Variants in GALNT2 observed in about 807,000 individuals in gnomAD.
GALNT2 encodes the protein polypeptide N-acetylgalactosaminyltransferase 2, also known as UDP-GalNAc:polypeptide N-acetylgalactosaminyltransferase 2.
A neutral mutation model predicts 81.4 loss-of-function variants in GALNT2; 31 were observed. The observed-to-expected ratio is 0.38, with a 90% CI of 0.29 to 0.51. GALNT2 has a LOEUF of 0.51. GALNT2 is among the 20% of genes least tolerant of loss of function. GALNT2 has a pLI of 0.87. For synonymous variants in GALNT2, 303 were observed against 287.4 expected (o/e 1.05, Z -0.55); for missense variants, 629 against 765.7 (o/e 0.82, Z 2.11).
At chr1:230,171,099 A>T (rs1185385147) in intron 1 of GALNT2, among the ~76,000 whole-genome samples, 1 of 152,216 alleles carries the variant, frequency 6.6e-6, no homozygotes, top group East Asian at 1.9e-4. Flanking sequence ...AGACCTGAAG[A>T]TTATTCCTCT....
At chr1:230,107,762 TAAAAC>T (rs1031958691) in intron 1 of GALNT2, among the ~76,000 whole-genome samples, 5 of 152,058 alleles carry the variant, frequency 3.3e-5, no homozygotes, top group Non-Finnish European at 7.4e-5. Context: ...AGTGAATAAT[TAAAAC>T]AGAAATCTTC....
At chr1:230,100,387 C>G (rs1660368171) in intron 1 of GALNT2, among the ~76,000 whole-genome samples, 1 of 141,470 alleles carries the variant, frequency 7.1e-6, no homozygotes, top group Admixed American at 7.6e-5. Context: ...AGTGCAATGG[C>G]GCGACCTCGG....
At chr1:230,237,171 C>T (rs113034206) in intron 6 of GALNT2, among the ~76,000 whole-genome samples, 8 of 152,350 alleles carry the variant, frequency 5.3e-5, no homozygotes, top group Admixed American at 1.3e-4. Flanking sequence ...TATGCTCATG[C>T]GATTTTGCAA....
Position 230,193,587 on chromosome 1 carries a change from C to CTT in GALNT2, c.221-9541_221-9540dup, listed in dbSNP as rs112513027. 1.9e-4 allele frequency among the ~76,000 whole-genome samples: 28 copies of CTT among 148,550 alleles called. 1 individual carries two copies. Among genetic ancestry groups the CTT allele is most frequent in the Middle Eastern group, 6.9e-3 (2 of 288 alleles). ...GGTCAGTTTTATAGGTTTCTGTCAT[C>CTT]TTTTTTTTTTCAAATATAAGGTTTA... On this transcript the variant is annotated intron_variant, in intron 2 of 15. Coordinates refer to ENST00000366672, the MANE Select transcript of GALNT2 (RefSeq NM_004481.5). The surrounding 1 kb of genome is among the most constrained non-coding windows in gnomAD (Gnocchi z 4.3).
intron 1 of GALNT2, among the ~76,000 whole-genome samples, chr1:230,122,424 G>A (rs1661044951): frequency 6.6e-6 from 1 of 152,046 alleles, no homozygotes; most frequent in South Asian, 2.1e-4. Context: ...TCTCTCCCTC[G>A]ACCTGGTCTC....
intron 3 of GALNT2, among the ~76,000 whole-genome samples, chr1:230,208,311 AG>A (rs1000705682): frequency 1.2e-4 from 18 of 152,010 alleles, no homozygotes; most frequent in African/African-American, 4.1e-4. Context: ...AATGGACTGG[AG>A]GGGGGTATGG....
chr1:230,098,797 A>G (rs1281738386), intron 1 of GALNT2, among the ~76,000 whole-genome samples: 1 of 152,198 alleles, frequency 6.6e-6, no homozygotes, highest in Non-Finnish European at 1.5e-5. Context: ...TCAGAAGCCA[A>G]CGTGGCAGAT....
chr1:230,255,544 T>A, intron 11 of GALNT2, 200 bp downstream of exon 11: 1 of 628,018 alleles, frequency 1.6e-6, no homozygotes, highest in Non-Finnish European at 2.8e-6. Flanking sequence ...TGATGCTGAG[T>A]GAGAGAAGCA....
chr1:230,136,213 G>T (rs1405237571), intron 1 of GALNT2, among the ~76,000 whole-genome samples: 1 of 152,086 alleles, frequency 6.6e-6, no homozygotes, highest in Non-Finnish European at 1.5e-5. Context: ...CTCTTCTGGG[G>T]GTGGGTCAGG....
At chr1:230,097,810 AAC>A (rs776619790) in intron 1 of GALNT2, among the ~76,000 whole-genome samples, 21 of 152,228 alleles carry the variant, frequency 1.4e-4, no homozygotes, top group Non-Finnish European at 2.8e-4. Flanking sequence ...GAATTATGGT[AAC>A]ACGCACCAAA....
In GALNT2 at chr1:230,281,655, C is replaced by G. The variant is rs1024517359; in HGVS notation, c.*2197C>G. The G allele has an allele frequency of 6.5e-6, 1 of 152,834 alleles. No individual in the cohort carries two copies. The highest frequency in any genetic ancestry group is 2.4e-5 in the African/African-American group (1 of 41,466). The allele number at this position is 152,834 out of a possible 1,614,324, so 9.5% of individuals were successfully genotyped here. A position where few individuals can be genotyped will look rare whatever the true frequency, so the allele number is the denominator to read the frequency against. ...TGTCTACCCAGACCCTTGTGCGGCC[C>G]ATGCCCTGGGGGCGGCGTCCTGTCC... On this transcript the variant is annotated 3_prime_UTR_variant, in exon 16 of 16. Transcript: ENST00000366672.
In GALNT2 at chr1:230,235,551, T is replaced by A. The variant is rs115594298; in HGVS notation, c.375-463T>A. Among the ~76,000 whole-genome samples, 385 of 152,340 alleles carry A rather than the reference T, an allele frequency of 2.5e-3. 2 individuals carry two copies. The highest frequency in any genetic ancestry group is 8.9e-3 in the African/African-American group (370 of 41,582). On this transcript the variant is annotated intron_variant, in intron 3 of 15. Transcript: ENST00000366672. ...GGAAAACCTCCAGTGGGTCTGCTGT[T>A]CGTGGTGAGAACCAAGTTCCAAATA...
chr1:230,076,002 A>T (rs1215001611), intron 1 of GALNT2, among the ~76,000 whole-genome samples: 1 of 151,976 alleles, frequency 6.6e-6, no homozygotes, highest in African/African-American at 2.4e-5. Flanking sequence ...TTCCCGAAGG[A>T]TGTTGCCTTT....
intron 1 of GALNT2, among the ~76,000 whole-genome samples, chr1:230,105,140 C>T (rs1660505830): frequency 6.6e-6 from 1 of 152,210 alleles, no homozygotes; most frequent in Non-Finnish European, 1.5e-5. Flanking sequence ...GCCAGCCTTC[C>T]TTTTCCCAGC....
At chr1:230,168,756 A>G (rs956379861) in intron 1 of GALNT2, among the ~76,000 whole-genome samples, 3 of 152,222 alleles carry the variant, frequency 2.0e-5, no homozygotes, top group African/African-American at 4.8e-5. Context: ...GAAAGTTCCT[A>G]TATATATCAT....
Position 230,274,302 on chromosome 1 carries a change from G to GT in GALNT2, c.1441-140dup, listed in dbSNP as rs1203485267. 10 of 1,127,492 alleles carry GT rather than the reference G, an allele frequency of 8.9e-6. No individual in the cohort carries two copies. In the African/African-American group the frequency reaches 1.6e-4, roughly 18 times the overall value. 69.8% of individuals were successfully genotyped at this position (1,127,492 alleles called of 1,614,324 possible). ...ATTTGCCCTTAGGCAAAAAGTAATT[G>GT]TTTCGTTCTCAGTTGGCTCAGGGGT... On this transcript the variant is annotated intron_variant, in intron 14 of 15. Transcript: ENST00000366672.
intron 1 of GALNT2, among the ~76,000 whole-genome samples, chr1:230,058,529 TG>T (rs1658972517): frequency 6.6e-6 from 1 of 152,212 alleles, no homozygotes; most frequent in African/African-American, 2.4e-5. Flanking sequence ...TGCTACTCGC[TG>T]AGCTGCCTTG....
chr1:230,194,183 A>G (rs1663615951), intron 2 of GALNT2, among the ~76,000 whole-genome samples: 1 of 152,200 alleles, frequency 6.6e-6, no homozygotes, highest in South Asian at 2.1e-4. Flanking sequence ...TGTGATGAAG[A>G]GTATCAGTGG....
chr1:230,096,016 T>C (rs1440649688), intron 1 of GALNT2, among the ~76,000 whole-genome samples: 2 of 152,230 alleles, frequency 1.3e-5, no homozygotes, highest in Non-Finnish European at 2.9e-5. Context: ...CACCCGGAAC[T>C]CCTGCTTCCC....
Sources: allele counts gnomAD v4.1 joint callset (sites outside exome capture counted in the v4.1 genomes callset), GRCh38; gene constraint gnomAD v4.1.1; non-coding constraint Gnocchi (gnomAD v3.1); transcripts MANE v1.5; gene names NCBI Gene and HGNC (gene_info 2026-07-23, HGNC 2026-07-21).